Variants in RPS6KC1 observed in about 807,000 individuals in gnomAD.
The protein encoded by RPS6KC1 is inactive ribosomal protein S6 kinase delta-1.
In RPS6KC1, 54 loss-of-function variants were observed where a neutral mutation model predicts 103.8. The observed-to-expected ratio is 0.52, with a 90% CI of 0.42 to 0.65. The LOEUF is 0.65. Ranked by LOEUF, RPS6KC1 falls within the 30% of genes least tolerant of loss-of-function variation. The pLI is 0.00. For synonymous variants in RPS6KC1, 439 were observed against 438.7 expected (o/e 1.00, Z -0.01); for missense variants, 1,151 against 1,253.8 (o/e 0.92, Z 1.24).
At chr1:213,652,420 G>T in the RPS6KC1 span, among the ~76,000 whole-genome samples, 2 of 152,198 alleles carry the variant, frequency 1.3e-5, no homozygotes, top group Non-Finnish European at 2.9e-5. Flanking sequence ...AACCCAGGTG[G>T]TCTGTGGTCC....
At chr1:213,836,320 A>G in the RPS6KC1 span, among the ~76,000 whole-genome samples, 1 of 152,050 alleles carries the variant, frequency 6.6e-6, no homozygotes, top group African/African-American at 2.4e-5. Flanking sequence ...TCAAATTCCA[A>G]ATGATGTTTT....
rs1486252609 is a variant in RPS6KC1, at chr1:213,274,107, T to G, written c.*1473T>G. On this transcript the variant is annotated 3_prime_UTR_variant, in exon 15 of 15. Coordinates refer to ENST00000366960, the MANE Select transcript of RPS6KC1 (RefSeq NM_012424.6). Reference sequence around the variant, plus strand: ...ATTATTCTATTTCCCTTTTTCCTTTTTGGCCCCCTTATAATCCAAACCCCA... The same window carrying G: ...ATTATTCTATTTCCCTTTTTCCTTTGTGGCCCCCTTATAATCCAAACCCCA... 6.6e-6 allele frequency: 1 copy of G among 152,212 alleles called. No individual in the cohort carries two copies. Among genetic ancestry groups the G allele is most frequent in the Non-Finnish European group, 1.5e-5 (1 of 68,044 alleles). 9.4% of individuals were successfully genotyped at this position (152,212 alleles called of 1,614,324 possible).
chr1:213,671,903 C>T, the RPS6KC1 span, among the ~76,000 whole-genome samples: 2 of 151,964 alleles, frequency 1.3e-5, no homozygotes, highest in Non-Finnish European at 2.9e-5. Context: ...GAAACATCAC[C>T]TGTGCCCCAT....
chr1:213,343,444 T>A, the RPS6KC1 span, among the ~76,000 whole-genome samples: 1 of 75,158 alleles, frequency 1.3e-5, no homozygotes, highest in Admixed American at 1.5e-4. Flanking sequence ...TATATATACA[T>A]ACCATGGAAT....
the RPS6KC1 span, among the ~76,000 whole-genome samples, chr1:213,528,774 G>A: frequency 1.3e-5 from 2 of 152,142 alleles, no homozygotes; most frequent in Non-Finnish European, 2.9e-5. Flanking sequence ...TTCACCCTGC[G>A]TCCTCCAAGC....
At chr1:213,673,564 CT>C in the RPS6KC1 span, among the ~76,000 whole-genome samples, 5 of 152,100 alleles carry the variant, frequency 3.3e-5, no homozygotes, top group Non-Finnish European at 7.3e-5. Context: ...TCAGGAACTC[CT>C]ACAAGCACTA....
intron 5 of RPS6KC1, among the ~76,000 whole-genome samples, chr1:213,127,310 C>T (rs1024567618): frequency 3.9e-5 from 6 of 152,152 alleles, no homozygotes; most frequent in African/African-American, 1.2e-4. Context: ...GTCACCAAAC[C>T]GTAACAGTAC....
chr1:213,751,835 A>T, the RPS6KC1 span, among the ~76,000 whole-genome samples: 1 of 152,186 alleles, frequency 6.6e-6, no homozygotes, highest in African/African-American at 2.4e-5. Flanking sequence ...GGGAAATCAC[A>T]TTACATAGTG....
the RPS6KC1 span, among the ~76,000 whole-genome samples, chr1:213,446,681 G>A: frequency 3.3e-5 from 5 of 152,254 alleles, no homozygotes; most frequent in East Asian, 3.9e-4. Context: ...AAGCCTGACC[G>A]TCACACTCTG....
At chr1:213,415,652 T>C in the RPS6KC1 span, among the ~76,000 whole-genome samples, 19 of 152,210 alleles carry the variant, frequency 1.2e-4, no homozygotes, top group Non-Finnish European at 2.5e-4. Context: ...GGGGCAGCAC[T>C]GTCCCCAGTC....
Position 213,232,179 on chromosome 1 carries a change from T to C in RPS6KC1, c.1149T>C (p.Cys383=), listed in dbSNP as rs2148871202. The C allele has an allele frequency of 3.1e-6, 5 of 1,614,058 alleles. No individual in the cohort carries two copies. The highest frequency in any genetic ancestry group is 4.2e-6 in the Non-Finnish European group (5 of 1,179,930). The change falls in exon 10 of 15, where the codon TGT becomes TGC. Residue 383 remains cysteine, a synonymous_variant. Coordinates refer to ENST00000366960, the MANE Select transcript of RPS6KC1 (RefSeq NM_012424.6). ...ACAGAAAGACCATCATCCCCCGCTG[T>C]GTGCCCAACATGGTGTGTCTGCATA... ...SRNRKTIIPR[C]VPNMVCLHKY...
the RPS6KC1 span, among the ~76,000 whole-genome samples, chr1:213,682,703 A>G: frequency 6.6e-6 from 1 of 152,242 alleles, no homozygotes; most frequent in African/African-American, 2.4e-5. Context: ...TTGTGAAGAA[A>G]AAAATCCATG....
the RPS6KC1 span, among the ~76,000 whole-genome samples, chr1:213,355,441 A>G: frequency 1.3e-5 from 2 of 152,104 alleles, no homozygotes; most frequent in African/African-American, 2.4e-5. Flanking sequence ...TCTATACACT[A>G]GCACGGGCAC....
At chr1:213,219,395 T>C (rs1402373277) in intron 8 of RPS6KC1, among the ~76,000 whole-genome samples, 1 of 152,190 alleles carries the variant, frequency 6.6e-6, no homozygotes, top group Admixed American at 6.5e-5. Context: ...ATAGGAAGAC[T>C]TGTACACTGT....
intron 6 of RPS6KC1, among the ~76,000 whole-genome samples, chr1:213,135,012 G>T (rs911576257): frequency 6.6e-6 from 1 of 152,058 alleles, no homozygotes; most frequent in Non-Finnish European, 1.5e-5. Flanking sequence ...TGATATCTCA[G>T]GGGGAAAGAT....
chr1:213,344,110 C>G, the RPS6KC1 span, among the ~76,000 whole-genome samples: 1 of 151,780 alleles, frequency 6.6e-6, no homozygotes, highest in Non-Finnish European at 1.5e-5. Context: ...CAGCATGTAA[C>G]CCATAAACTT....
chr1:213,166,109 C>T (rs1156355618), intron 6 of RPS6KC1, among the ~76,000 whole-genome samples: 1 of 150,780 alleles, frequency 6.6e-6, no homozygotes. Flanking sequence ...TTTCGAATTC[C>T]AAATTATTTG....
the RPS6KC1 span, among the ~76,000 whole-genome samples, chr1:213,730,652 C>G: frequency 2.0e-5 from 3 of 152,010 alleles, no homozygotes; most frequent in Non-Finnish European, 4.4e-5. Context: ...GTTTAAGTTC[C>G]TTATAGATGC....
the RPS6KC1 span, among the ~76,000 whole-genome samples, chr1:213,328,837 G>C: frequency 6.6e-6 from 1 of 152,074 alleles, no homozygotes; most frequent in Admixed American, 6.5e-5. Context: ...TCCCTACTAA[G>C]TGCATGGACA....
Sources: gnomAD v4.1 joint callset for allele counts (sites outside exome capture counted in the v4.1 genomes callset) on GRCh38, gnomAD v4.1.1 for gene constraint, MANE v1.5 for transcripts, NCBI Gene and HGNC (gene_info 2026-07-23, HGNC 2026-07-21) for gene names.